Variants in NKAIN3 observed in about 807,000 individuals in gnomAD.
The protein encoded by NKAIN3 is sodium/potassium-transporting ATPase subunit beta-1-interacting protein 3.
Under a neutral mutation model 30.2 loss-of-function variants are expected in NKAIN3, and 25 were observed. That is an observed-to-expected ratio of 0.83 (90% confidence interval 0.60 to 1.16). NKAIN3 has a LOEUF of 1.16. NKAIN3 is among the 50% of genes most tolerant of loss of function. NKAIN3 has a pLI of 0.00. For synonymous variants in NKAIN3, 91 were observed against 89.6 expected, an observed-to-expected ratio of 1.02 and a Z score of -0.09; for missense variants, 225 against 254.1, an observed-to-expected ratio of 0.89 and a Z score of 0.78.
At chr8:62,292,807 A>T (rs887592870) in intron 1 of NKAIN3, among the ~76,000 whole-genome samples, 4 of 152,134 alleles carry the variant, frequency 2.6e-5, no homozygotes, top group Non-Finnish European at 5.9e-5. Flanking sequence ...GAAGTTGTGG[A>T]TAATATCCTG....
intron 2 of NKAIN3, among the ~76,000 whole-genome samples, chr8:62,585,633 T>C (rs1236903447): frequency 1.3e-5 from 2 of 152,138 alleles, no homozygotes; most frequent in Non-Finnish European, 2.9e-5. Context: ...TAGTTCACAA[T>C]AGGGCTTGTG....
chr8:62,901,439 T>C (rs1174498997), intron 4 of NKAIN3, among the ~76,000 whole-genome samples: 4 of 152,028 alleles, frequency 2.6e-5, no homozygotes, highest in Non-Finnish European at 2.9e-5. Flanking sequence ...ACACTCTATC[T>C]TAAGAAAAAA....
intron 1 of NKAIN3, among the ~76,000 whole-genome samples, chr8:62,290,931 A>G (rs1813598372): frequency 6.6e-6 from 1 of 152,148 alleles, no homozygotes; most frequent in African/African-American, 2.4e-5. Context: ...GTATGGGTCT[A>G]TTCAGGGATT....
At chr8:62,260,725 TGTGAGCCAG>T (rs1812412345) in intron 1 of NKAIN3, among the ~76,000 whole-genome samples, 1 of 152,198 alleles carries the variant, frequency 6.6e-6, no homozygotes. Flanking sequence ...CCAGGAATCA[TGTGAGCCAG>T]TTGTTAAATA....
chr8:62,716,662 A>G (rs2130506881), intron 3 of NKAIN3, among the ~76,000 whole-genome samples: 1 of 152,250 alleles, frequency 6.6e-6, no homozygotes, highest in Non-Finnish European at 1.5e-5. Flanking sequence ...AGAGATTAAT[A>G]TCATTCTAAA....
intron 5 of NKAIN3, among the ~76,000 whole-genome samples, chr8:62,923,642 C>T (rs1563630014): frequency 6.6e-6 from 1 of 152,154 alleles, no homozygotes; most frequent in East Asian, 1.9e-4. Flanking sequence ...GGACAAGACA[C>T]TGCTGAGAAA....
intron 3 of NKAIN3, among the ~76,000 whole-genome samples, chr8:62,595,387 T>TC (rs1563475878): frequency 1.7e-5 from 2 of 117,294 alleles, no homozygotes; most frequent in Non-Finnish European, 4.0e-5. Flanking sequence ...ATTTTCTTTT[T>TC]TTTTTTTTTT....
Position 62,870,229 on chromosome 8 carries a change from T to G in NKAIN3, c.472-48224T>G, listed in dbSNP as rs182066148. Among the ~76,000 whole-genome samples the G allele has an allele frequency of 5.9e-3, 813 of 138,226 alleles. 5 individuals carry two copies. Among genetic ancestry groups the G allele is most frequent in the South Asian group, 0.013 (58 of 4,406 alleles). 90.7% of individuals were successfully genotyped at this position (138,226 alleles called of 152,430 possible). The stretch of plus-strand genomic sequence containing the variant: ...TTTTGTATATATATATCTATATCTA[T>G]ATATAGATATCTATAGATATCTATA... On this transcript the variant is annotated intron_variant, in intron 4 of 6. Transcript: ENST00000623646.
intron 1 of NKAIN3, among the ~76,000 whole-genome samples, chr8:62,531,104 A>G (rs1808474877): frequency 6.6e-6 from 1 of 152,062 alleles, no homozygotes; most frequent in African/African-American, 2.4e-5. Flanking sequence ...TAGTTCAGAG[A>G]GCCACAGTCG....
intron 1 of NKAIN3, among the ~76,000 whole-genome samples, chr8:62,538,501 A>G (rs1035864228): frequency 2.0e-5 from 3 of 152,108 alleles, no homozygotes; most frequent in Non-Finnish European, 4.4e-5. Context: ...GTTTTCCTTA[A>G]CTTTTCCCCC....
intron 1 of NKAIN3, among the ~76,000 whole-genome samples, chr8:62,454,950 A>C (rs148045341): frequency 6.6e-6 from 1 of 152,332 alleles, no homozygotes; most frequent in Non-Finnish European, 1.5e-5. Flanking sequence ...ATTGTGATAC[A>C]ATTCAAGTGA....
At chr8:62,445,592 G>T (rs1299026050) in intron 1 of NKAIN3, among the ~76,000 whole-genome samples, 1 of 152,130 alleles carries the variant, frequency 6.6e-6, no homozygotes. Context: ...TGAAATACAA[G>T]TTGGGGAGGC....
intron 4 of NKAIN3, among the ~76,000 whole-genome samples, chr8:62,860,489 T>C (rs907707920): frequency 3.3e-5 from 5 of 152,246 alleles, no homozygotes; most frequent in African/African-American, 1.2e-4. Context: ...TGTTTTAACA[T>C]TGCAGATAAT....
chr8:62,268,759 C>T (rs143265505), intron 1 of NKAIN3, among the ~76,000 whole-genome samples: 2 of 152,188 alleles, frequency 1.3e-5, no homozygotes, highest in East Asian at 1.9e-4. Flanking sequence ...GCTGAGATTC[C>T]AACCTAACAC....
rs368881065 is a variant in NKAIN3 at position 62,501,549 on chromosome 8, T to C, written c.55-77990T>C. Among the ~76,000 whole-genome samples the C allele has an allele frequency of 2.6e-4, 39 of 152,304 alleles. No individual in the cohort carries two copies. In the South Asian group the frequency reaches 7.9e-3, roughly 31 times the overall value. On this transcript the variant is annotated intron_variant, in intron 1 of 6. Transcript: ENST00000623646. Reference sequence around the variant, plus strand: ...TCCAAAGCTGTTGTTGCTCTTGTTGTTCCTCCTATGGAGTCAAAGTATATT... The same window carrying C: ...TCCAAAGCTGTTGTTGCTCTTGTTGCTCCTCCTATGGAGTCAAAGTATATT...
intron 3 of NKAIN3, among the ~76,000 whole-genome samples, chr8:62,596,857 G>T (rs1049232301): frequency 6.6e-6 from 1 of 152,064 alleles, no homozygotes; most frequent in African/African-American, 2.4e-5. Flanking sequence ...TTCATTGTCT[G>T]CAAGAAATGT....
At chr8:62,778,041 A>G (rs935191312) in intron 4 of NKAIN3, among the ~76,000 whole-genome samples, 7 of 152,074 alleles carry the variant, frequency 4.6e-5, no homozygotes, top group African/African-American at 1.4e-4. Flanking sequence ...CTCTTCCCTT[A>G]CTTTCCCCCA....
chr8:62,986,660 T>C (rs1824206048), downstream of NKAIN3, among the ~76,000 whole-genome samples: 1 of 152,238 alleles, frequency 6.6e-6, no homozygotes, highest in Non-Finnish European at 1.5e-5. Context: ...ATCATGTCTT[T>C]GCTCCTCCTC....
intron 4 of NKAIN3, among the ~76,000 whole-genome samples, chr8:62,782,533 A>G (rs1354778145): frequency 2.0e-5 from 3 of 151,970 alleles, no homozygotes; most frequent in East Asian, 1.9e-4. Flanking sequence ...GTGTCCATCA[A>G]TGGATGAATG....
Sources: allele counts gnomAD v4.1 joint callset (sites outside exome capture counted in the v4.1 genomes callset), GRCh38; gene constraint gnomAD v4.1.1; transcripts MANE v1.5; gene names NCBI Gene and HGNC (gene_info 2026-07-23, HGNC 2026-07-21).